PACSIN1: variants seen among roughly 807,000 people sequenced by gnomAD.
PACSIN1 encodes the protein protein kinase C and casein kinase substrate in neurons protein 1.
Under a neutral mutation model 59.5 loss-of-function variants are expected in PACSIN1, and 15 were observed. The observed-to-expected ratio is 0.25, with a 90% CI of 0.17 to 0.39. The LOEUF is 0.39. PACSIN1 is among the 10% of genes least tolerant of loss of function. The pLI is 1.00. For synonymous variants in PACSIN1, 210 were observed against 220.6 expected (o/e 0.95, Z 0.42); for missense variants, 420 against 580.2 (o/e 0.72, Z 2.84).
At position 34,521,395 on chromosome 6, in the gene PACSIN1, C is replaced by T. The variant is rs1767390515; in HGVS notation, c.-63-4848C>T. Among the ~76,000 whole-genome samples, 1 of 152,178 alleles carries T rather than the reference C, an allele frequency of 6.6e-6. No individual in the cohort carries two copies. Among genetic ancestry groups the T allele is most frequent in the Non-Finnish European group, 1.5e-5 (1 of 68,024 alleles). ...GGCTCCTGCTCTTAATTCCTCTGTC[C>T]CTTCCTCAAGCCAGGAGTAGATGGA... is the stretch of plus-strand genomic sequence containing the variant. On this transcript the variant is annotated intron_variant, in intron 1 of 9. Coordinates refer to ENST00000244458, the MANE Select transcript of PACSIN1 (RefSeq NM_020804.5). This position sits in a 1 kb window ranked among gnomAD's most constrained non-coding sequence, Gnocchi z 4.3.
chr6:34,504,354 C>T (rs1039307007), intron 1 of PACSIN1, among the ~76,000 whole-genome samples: 3 of 147,474 alleles, frequency 2.0e-5, no homozygotes, highest in African/African-American at 5.0e-5. Context: ...TGCAGTGGTG[C>T]GATCTAGGCT....
chr6:34,475,265 C>T (rs1766622965), intron 1 of PACSIN1, among the ~76,000 whole-genome samples: 1 of 152,016 alleles, frequency 6.6e-6, no homozygotes, highest in Admixed American at 6.6e-5. Context: ...GCCTCCTCCT[C>T]TCACATTGCT....
intron 1 of PACSIN1, among the ~76,000 whole-genome samples, chr6:34,512,684 T>G (rs988746184): frequency 3.3e-5 from 5 of 152,226 alleles, no homozygotes; most frequent in Non-Finnish European, 7.3e-5. Context: ...TGTGGGGTCC[T>G]CGTGCCCACC....
At position 34,532,379 on chromosome 6, in the gene PACSIN1, G is replaced by T; in HGVS notation, c.1226-42G>T. ...TAGCAGCCGGTGCGTTGAGGGAGGG[G>T]CAGCCTTCTCTCTGAGCCCCTCCCT... On this transcript the variant is annotated intron_variant, in intron 9 of 9. Transcript: ENST00000244458. This position sits in a 1 kb window ranked among gnomAD's most constrained non-coding sequence, Gnocchi z 5.2. 7.4e-7 allele frequency: 1 copy of T among 1,353,664 alleles called. No homozygotes were observed. Among genetic ancestry groups the T allele is most frequent in the Non-Finnish European group, 1.0e-6 (1 of 967,272 alleles). The allele number at this position is 1,353,664 out of a possible 1,614,324, so 83.9% of individuals were successfully genotyped here. A position where few individuals can be genotyped will look rare whatever the true frequency, so the allele number is the denominator to read the frequency against.
chr6:34,501,202 C>T (rs1385379558), intron 1 of PACSIN1, among the ~76,000 whole-genome samples: 1 of 152,200 alleles, frequency 6.6e-6, no homozygotes, highest in African/African-American at 2.4e-5. Context: ...CCTCCACTTC[C>T]CAAAGTGCTG....
intron 1 of PACSIN1, among the ~76,000 whole-genome samples, chr6:34,476,594 C>T (rs901407610): frequency 6.6e-6 from 1 of 152,226 alleles, no homozygotes; most frequent in African/African-American, 2.4e-5. Context: ...GAGGCTTCCC[C>T]TACACTACAG....
intron 1 of PACSIN1, among the ~76,000 whole-genome samples, chr6:34,495,365 C>A (rs115102984): frequency 6.6e-6 from 1 of 152,106 alleles, no homozygotes; most frequent in Non-Finnish European, 1.5e-5. Context: ...CATGAAGGAA[C>A]TTTACAAGTC....
rs1193434592 is a variant in PACSIN1 at position 34,534,395 on chromosome 6, T to G, written c.*1865T>G. Reference sequence around the variant, plus strand: ...TGGTCTCCGAGCTTCGGCTGCAGCCTGAGGTGTGTCCTGGGCTCCTCAGAG... The same window carrying G: ...TGGTCTCCGAGCTTCGGCTGCAGCCGGAGGTGTGTCCTGGGCTCCTCAGAG... On this transcript the variant is annotated 3_prime_UTR_variant, in exon 10 of 10. Coordinates refer to ENST00000244458, the MANE Select transcript of PACSIN1 (RefSeq NM_020804.5). 3 of 152,802 alleles carry G rather than the reference T, an allele frequency of 2.0e-5. No individual in the cohort carries two copies. The highest frequency in any genetic ancestry group is 2.0e-4 in the Admixed American group (3 of 15,294). 9.5% of individuals were successfully genotyped at this position (152,802 alleles called of 1,614,324 possible).
At chr6:34,504,246 ATGTGTGTGTGTG>A (rs372732742) in intron 1 of PACSIN1, among the ~76,000 whole-genome samples, 3 of 107,822 alleles carry the variant, frequency 2.8e-5, no homozygotes, top group Admixed American at 1.1e-4. Flanking sequence ...AGACAATGTT[ATGTGTGTGTGTG>A]TGTGTGTGTG....
intron 1 of PACSIN1, among the ~76,000 whole-genome samples, chr6:34,471,207 C>CA (rs1471851313): frequency 6.6e-6 from 1 of 152,206 alleles, no homozygotes. Context: ...CTCAGCCTCC[C>CA]AAAGTGCTGG....
At chr6:34,509,705 TTTTG>T (rs1767169884) in intron 1 of PACSIN1, among the ~76,000 whole-genome samples, 1 of 149,690 alleles carries the variant, frequency 6.7e-6, no homozygotes, top group African/African-American at 2.5e-5. Context: ...CATGAGATGT[TTTTG>T]TTTGTTTGTA....
chr6:34,514,624 G>C lies in PACSIN1; in HGVS notation c.-63-11619G>C, dbSNP rs1343360084. ...GGATGGAGCAGGGCTTCCCAGTCGAGGGCGGCGGCCGAGCCTGTGTCCCCA... is the reference window on the plus strand; with the variant it reads ...GGATGGAGCAGGGCTTCCCAGTCGACGGCGGCGGCCGAGCCTGTGTCCCCA... On this transcript the variant is annotated intron_variant, in intron 1 of 9. Coordinates refer to ENST00000244458, the MANE Select transcript of PACSIN1 (RefSeq NM_020804.5). This position sits in a 1 kb window ranked among gnomAD's most constrained non-coding sequence, Gnocchi z 4.4. Among the ~76,000 whole-genome samples, 1 of 152,138 alleles carries C rather than the reference G, an allele frequency of 6.6e-6. No individual in the cohort carries two copies. The highest frequency in any genetic ancestry group is 2.4e-5 in the African/African-American group (1 of 41,426).
At position 34,530,676 on chromosome 6, in the gene PACSIN1, T is replaced by TTCTG; in HGVS notation, c.1037+89_1037+90insTCTG. The TTCTG allele has an allele frequency of 7.6e-7, 1 of 1,311,550 alleles. No individual in the cohort carries two copies. Among genetic ancestry groups the TTCTG allele is most frequent in the Non-Finnish European group, 1.0e-6 (1 of 990,276 alleles). 81.2% of individuals were successfully genotyped at this position (1,311,550 alleles called of 1,614,324 possible). ...TTGCTTCAGAAGACAAGAAATGGTC[T>TTCTG]AGATCATAGCAACTATGTCTCCTCT... On this transcript the variant is annotated intron_variant, in intron 8 of 9. Coordinates refer to ENST00000244458, the MANE Select transcript of PACSIN1 (RefSeq NM_020804.5). The surrounding 1 kb of genome is among the most constrained non-coding windows in gnomAD (Gnocchi z 4.4).
chr6:34,512,746 G>A (rs1767225058), intron 1 of PACSIN1, among the ~76,000 whole-genome samples: 1 of 152,252 alleles, frequency 6.6e-6, no homozygotes, highest in Admixed American at 6.5e-5. Context: ...TTGATCTAAG[G>A]ATAGAAGCGA....
chr6:34,530,362 A>C lies in PACSIN1; in HGVS notation c.908A>C (p.Glu303Ala). 14 of 1,613,746 alleles carry C rather than the reference A, an allele frequency of 8.7e-6. No individual in the cohort carries two copies. Among genetic ancestry groups the C allele is most frequent in the African/African-American group, 1.3e-5 (1 of 75,018 alleles). ...PGMPMNWPQF[E>A]EWNPDLPHTT... is the part of the protein sequence containing the mutation. ...ATGCCCATGAACTGGCCCCAGTTTG[A>C]GGTGAGGATATGTGGGGATGGGAAG... The change falls in exon 7 of 10, where the codon GAG (glutamate) becomes GCG (alanine). Residue 303 changes from glutamate to alanine, a missense_variant and splice_region_variant. Coordinates refer to ENST00000244458, the MANE Select transcript of PACSIN1 (RefSeq NM_020804.5). This position sits in a 1 kb window ranked among gnomAD's most constrained non-coding sequence, Gnocchi z 4.4.
intron 1 of PACSIN1, among the ~76,000 whole-genome samples, chr6:34,519,789 TTAAC>T (rs1329530714): frequency 5.9e-5 from 9 of 152,098 alleles, no homozygotes; most frequent in African/African-American, 1.7e-4. Context: ...CACAGAGAGT[TTAAC>T]TAACTTGCCA....
rs561875442 is a variant in PACSIN1, at chr6:34,475,915, T to G, written c.-64+9645T>G. 6.6e-5 allele frequency among the ~76,000 whole-genome samples: 10 copies of G among 152,328 alleles called. No individual in the cohort carries two copies. In the East Asian group the frequency reaches 1.3e-3, roughly 21 times the overall value. ...TTGCACAGCCAGGAAGGGGTTAGATTTAAGCTCAAATTCTTACTCAGGATC... is the reference window on the plus strand; with the variant it reads ...TTGCACAGCCAGGAAGGGGTTAGATGTAAGCTCAAATTCTTACTCAGGATC... On this transcript the variant is annotated intron_variant, in intron 1 of 9. Transcript: ENST00000244458.
chr6:34,482,922 G>T (rs1223713237), intron 1 of PACSIN1, among the ~76,000 whole-genome samples: 1 of 151,684 alleles, frequency 6.6e-6, no homozygotes, highest in Non-Finnish European at 1.5e-5. Context: ...CCTGACCTCA[G>T]GTGGTCTGCC....
intron 1 of PACSIN1, among the ~76,000 whole-genome samples, chr6:34,490,914 A>G (rs1342731931): frequency 6.6e-6 from 1 of 152,080 alleles, no homozygotes; most frequent in Non-Finnish European, 1.5e-5. Context: ...TTCTCGTATT[A>G]TGGGATTGAC....
Sources: allele counts gnomAD v4.1 joint callset (sites outside exome capture counted in the v4.1 genomes callset), GRCh38; gene constraint gnomAD v4.1.1; non-coding constraint Gnocchi (gnomAD v3.1); transcripts MANE v1.5; gene names NCBI Gene and HGNC (gene_info 2026-07-23, HGNC 2026-07-21).